Variants in MAST4 observed in about 807,000 individuals in gnomAD.
The protein encoded by MAST4 is microtubule associated serine/threonine kinase family member 4.
MAST4 carries 89 observed loss-of-function variants against 162.7 expected under a neutral mutation model. That is an observed-to-expected ratio of 0.55 (90% confidence interval 0.46 to 0.65). The LOEUF is 0.65. Ranked by LOEUF, MAST4 falls within the 30% of genes least tolerant of loss-of-function variation. MAST4 has a pLI of 0.00. For synonymous variants in MAST4, 1,479 were observed against 1,361.1 expected (o/e 1.09, Z -1.91); for missense variants, 3,153 against 3,374.0 (o/e 0.93, Z 1.62).
intron 3 of MAST4, among the ~76,000 whole-genome samples, chr5:66,818,590 T>C (rs922486736): frequency 3.9e-5 from 6 of 152,218 alleles, no homozygotes; most frequent in African/African-American, 1.4e-4. Context: ...GGTCTGATCT[T>C]CACTTAATGC....
intron 1 of MAST4, among the ~76,000 whole-genome samples, chr5:66,661,864 G>C (rs535018924): frequency 6.6e-6 from 1 of 152,294 alleles, no homozygotes; most frequent in East Asian, 1.9e-4. Context: ...AAGAGCTGTG[G>C]TCAATTTTAT....
intron 3 of MAST4, among the ~76,000 whole-genome samples, chr5:66,820,426 C>T (rs1277387951): frequency 3.3e-5 from 5 of 152,186 alleles, no homozygotes; most frequent in African/African-American, 7.2e-5. Flanking sequence ...CTTCACTCAT[C>T]TATTCTCTTC....
rs1278853312 is a variant in MAST4 at position 66,885,041 on chromosome 5, G to A, written c.643-14910G>A. 2.6e-5 allele frequency among the ~76,000 whole-genome samples: 4 copies of A among 152,308 alleles called. No homozygotes were observed. In the East Asian group the frequency reaches 7.7e-4, roughly 29 times the overall value. ...ATGCAAGTAGCTGGTTTTATTTACT[G>A]TGGGAATTTCTCCTAGAGCTCTGTC... is the stretch of plus-strand genomic sequence containing the variant. On this transcript the variant is annotated intron_variant, in intron 3 of 28. Transcript: ENST00000403625.
At chr5:66,972,837 C>T (rs1344184690) in intron 4 of MAST4, among the ~76,000 whole-genome samples, 1 of 152,210 alleles carries the variant, frequency 6.6e-6, no homozygotes, top group African/African-American at 2.4e-5. Context: ...CCTGCCGTGT[C>T]TCACTCATTC....
intron 1 of MAST4, among the ~76,000 whole-genome samples, chr5:66,623,987 T>C (rs931768988): frequency 6.6e-6 from 1 of 152,054 alleles, no homozygotes; most frequent in Admixed American, 6.5e-5. Flanking sequence ...AAAGGAAAAT[T>C]AAGAGAATCT....
At chr5:66,913,294 C>T (rs1763895863) in intron 4 of MAST4, among the ~76,000 whole-genome samples, 1 of 152,162 alleles carries the variant, frequency 6.6e-6, no homozygotes, top group African/African-American at 2.4e-5. Flanking sequence ...CCCACATCCC[C>T]AACCAGACAA....
chr5:67,057,324 A>G (rs1758959455), intron 5 of MAST4, among the ~76,000 whole-genome samples: 1 of 152,130 alleles, frequency 6.6e-6, no homozygotes. Context: ...TCCATCTCTC[A>G]GCACTTATTA....
rs200030700 is a variant in MAST4 at position 66,624,146 on chromosome 5, G to GT, written c.363+27151dup. 6.3e-3 allele frequency among the ~76,000 whole-genome samples: 571 copies of GT among 90,064 alleles called. 48 individuals carry two copies. Among genetic ancestry groups the GT allele is most frequent in the South Asian group, 0.029 (65 of 2,254 alleles). The allele number at this position is 90,064 out of a possible 152,430, so 59.1% of individuals were successfully genotyped here. Reference sequence around the variant, plus strand: ...TTGGAAGAATTAATATTGTTAAAATGTTTTTTTTTTTTTTTTTTTTTTTGA... The same window carrying GT: ...TTGGAAGAATTAATATTGTTAAAATGTTTTTTTTTTTTTTTTTTTTTTTTGA... On this transcript the variant is annotated intron_variant, in intron 1 of 28. Transcript: ENST00000403625.
intron 2 of MAST4, 64 bp from the exon 3 acceptor site, chr5:66,788,606 C>CCCAACCCAAAAAA: frequency 7.4e-7 from 1 of 1,356,384 alleles, no homozygotes. Context: ...ACCCCCACCC[C>CCCAACCCAAAAAA]CATTGCAATA....
intron 4 of MAST4, chr5:66,986,616 A>ATT (rs149234910): frequency 0.18 from 36,380 of 199,302 alleles, 4,020 homozygotes; most frequent in Non-Finnish European, 0.22. Context: ...ATATATATAT[A>ATT]TATTTATTTA....
intron 9 of MAST4, among the ~76,000 whole-genome samples, chr5:67,103,501 G>A (rs1561655989): frequency 6.6e-6 from 1 of 152,180 alleles, no homozygotes; most frequent in East Asian, 1.9e-4. Context: ...ATGCAGGTTA[G>A]GATATTAGAG....
intron 4 of MAST4, among the ~76,000 whole-genome samples, chr5:67,041,213 A>G (rs1381261287): frequency 6.6e-6 from 1 of 152,194 alleles, no homozygotes; most frequent in East Asian, 1.9e-4. Context: ...TGTTGAGTGC[A>G]GTCCCTTGCA....
intron 4 of MAST4, among the ~76,000 whole-genome samples, chr5:66,979,340 C>A (rs892437258): frequency 1.3e-5 from 2 of 152,002 alleles, no homozygotes; most frequent in Non-Finnish European, 2.9e-5. Context: ...CGGCAAAATC[C>A]ACCTTGCTCC....
chr5:67,019,515 G>A lies in MAST4; in HGVS notation c.675-34889G>A, dbSNP rs114477743. Among the ~76,000 whole-genome samples, 1,269 of 152,320 alleles carry A rather than the reference G, an allele frequency of 8.3e-3. 12 individuals are homozygous for A. The highest frequency in any genetic ancestry group is 0.029 in the African/African-American group (1,208 of 41,574). On this transcript the variant is annotated intron_variant, in intron 4 of 28. Coordinates refer to ENST00000403625, the MANE Select transcript of MAST4 (RefSeq NM_001164664.2). ...TGTGAGCAGGCTTGCCAGATGGCAG[G>A]CCAATTAATATATTTTTGCAAGGTG...
intron 1 of MAST4, among the ~76,000 whole-genome samples, chr5:66,647,420 T>G (rs1281440942): frequency 1.3e-5 from 2 of 152,032 alleles, no homozygotes; most frequent in East Asian, 3.9e-4. Flanking sequence ...ATCTAAGAAG[T>G]TGTTTTTACC....
intron 4 of MAST4, chr5:67,005,011 C>T: frequency 1.3e-6 from 1 of 774,248 alleles, no homozygotes; most frequent in Non-Finnish European, 2.4e-6. Context: ...TGTCTGACCC[C>T]AATTTTTGGA....
At chr5:66,965,930 T>G (rs778186771) in intron 4 of MAST4, among the ~76,000 whole-genome samples, 16 of 152,344 alleles carry the variant, frequency 1.1e-4, no homozygotes, top group Non-Finnish European at 2.1e-4. Context: ...AGGCAGAAAC[T>G]CCAATGAGGA....
At chr5:67,142,708 C>G (rs985782129) in intron 21 of MAST4, 175 bp downstream of exon 21, 8 of 537,110 alleles carry the variant, frequency 1.5e-5, no homozygotes, top group Admixed American at 3.5e-5. Flanking sequence ...TGTCCCTATC[C>G]CCTAGGCCTT....
intron 2 of MAST4, among the ~76,000 whole-genome samples, chr5:66,775,744 A>G (rs1754571439): frequency 6.6e-6 from 1 of 152,138 alleles, no homozygotes; most frequent in Non-Finnish European, 1.5e-5. Context: ...GAGGGAGAGC[A>G]GGTTACACAG....
Sources: allele counts gnomAD v4.1 joint callset (sites outside exome capture counted in the v4.1 genomes callset), GRCh38; gene constraint gnomAD v4.1.1; transcripts MANE v1.5; gene names NCBI Gene and HGNC (gene_info 2026-07-23, HGNC 2026-07-21).